ATXN2: variants seen among roughly 807,000 people sequenced by gnomAD.
ATXN2 encodes the protein ataxin-2.
A neutral mutation model predicts 138.6 loss-of-function variants in ATXN2; 37 were observed. The observed-to-expected ratio is 0.27, with a 90% CI of 0.21 to 0.35. The LOEUF is 0.35. Among genes scored for constraint, ATXN2 ranks in the 10% least tolerant of loss-of-function variants. The pLI is 1.00. For missense variants in ATXN2, 1,216 were observed against 1,480.3 expected (o/e 0.82, Z 2.93); for synonymous variants, 549 against 543.7 (o/e 1.01, Z -0.13).
intron 14 of ATXN2, among the ~76,000 whole-genome samples, chr12:111,498,367 C>A (rs1878558638): frequency 6.6e-6 from 1 of 152,116 alleles, no homozygotes; most frequent in African/African-American, 2.4e-5. Context: ...CAAACAAATT[C>A]AGTAAAATTG....
intron 5 of ATXN2, among the ~76,000 whole-genome samples, chr12:111,531,292 A>T (rs762660066): frequency 6.6e-6 from 1 of 152,190 alleles, no homozygotes; most frequent in Non-Finnish European, 1.5e-5. Context: ...ACACGCCTAT[A>T]GTCCCAGCTA....
chr12:111,487,436 TTAACA>T (rs1877716898), intron 15 of ATXN2, among the ~76,000 whole-genome samples: 1 of 151,666 alleles, frequency 6.6e-6, no homozygotes, highest in Admixed American at 6.6e-5. Context: ...AAAGCAATTC[TTAACA>T]TAACAGTATC....
At chr12:111,519,107 A>T (rs1880016486) in intron 8 of ATXN2, among the ~76,000 whole-genome samples, 1 of 152,158 alleles carries the variant, frequency 6.6e-6, no homozygotes, top group Non-Finnish European at 1.5e-5. Flanking sequence ...TTAGTTATCA[A>T]ATAAACCTCA....
At chr12:111,462,701 AATG>A (rs146900572) in intron 21 of ATXN2, among the ~76,000 whole-genome samples, 81 of 152,318 alleles carry the variant, frequency 5.3e-4, no homozygotes, top group African/African-American at 1.8e-3. Context: ...CTTAGGTGTT[AATG>A]ATTAAGGACC....
chr12:111,555,470 A>G (rs1882338637), intron 2 of ATXN2, among the ~76,000 whole-genome samples: 1 of 152,138 alleles, frequency 6.6e-6, no homozygotes, highest in Admixed American at 6.6e-5. Flanking sequence ...GTGAGTTCTC[A>G]GGAGATCTGA....
At chr12:111,588,411 C>T (rs1884453426) in intron 1 of ATXN2, among the ~76,000 whole-genome samples, 1 of 151,868 alleles carries the variant, frequency 6.6e-6, no homozygotes, top group Non-Finnish European at 1.5e-5. Context: ...TCACTTGAGG[C>T]CAGAAGTTCC....
chr12:111,491,816 C>T (rs552132050), intron 14 of ATXN2, among the ~76,000 whole-genome samples: 3 of 152,148 alleles, frequency 2.0e-5, no homozygotes, highest in Non-Finnish European at 4.4e-5. Context: ...TGGGGAGACC[C>T]ACCTGCTTGA....
intron 5 of ATXN2, among the ~76,000 whole-genome samples, chr12:111,531,781 T>C (rs1344191574): frequency 6.6e-6 from 1 of 152,146 alleles, no homozygotes; most frequent in Non-Finnish European, 1.5e-5. Flanking sequence ...AAGAGGACTG[T>C]GGGGAGCCTC....
chr12:111,562,588 C>T (rs1882756182), intron 1 of ATXN2, among the ~76,000 whole-genome samples: 1 of 151,604 alleles, frequency 6.6e-6, no homozygotes, highest in South Asian at 2.1e-4. Context: ...GGAGTGGTGG[C>T]GCATGTCTGT....
intron 1 of ATXN2, among the ~76,000 whole-genome samples, chr12:111,563,808 T>G (rs1431247800): frequency 6.6e-6 from 1 of 152,224 alleles, no homozygotes; most frequent in Admixed American, 6.5e-5. Context: ...TAATAATACT[T>G]AATCCTACTC....
At chr12:111,457,867 C>T (rs1358777734) in intron 21 of ATXN2, 1 of 152,546 alleles carries the variant, frequency 6.6e-6, no homozygotes, top group Non-Finnish European at 1.5e-5. Flanking sequence ...ACCACAGTCT[C>T]TCTCAGCTAA....
Position 111,579,695 on chromosome 12 carries a change from CGA to C in ATXN2, c.251+19087_251+19088del, listed in dbSNP as rs1566077539. Among the ~76,000 whole-genome samples the C allele has an allele frequency of 7.3e-5, 11 of 150,246 alleles. 2 individuals are homozygous for C. The highest frequency in any genetic ancestry group is 2.7e-4 in the African/African-American group (11 of 40,908). On this transcript the variant is annotated intron_variant, in intron 1 of 24. Transcript: ENST00000673436. ...AACTACTAACATGCAATAGTACAGA[CGA>C]CCTTTTTTTTTTTTTTTTGAGATAA...
At chr12:111,456,352 T>C (rs1875096463) in intron 22 of ATXN2, 96 bp from the exon 23 acceptor site, 7 of 1,307,782 alleles carry the variant, frequency 5.4e-6, no homozygotes, top group South Asian at 1.2e-5. Flanking sequence ...CTTGGGCCTA[T>C]GATGAGGGTC....
chr12:111,556,443 G>A (rs551028855), intron 1 of ATXN2, among the ~76,000 whole-genome samples: 7 of 152,066 alleles, frequency 4.6e-5, no homozygotes, highest in Non-Finnish European at 7.4e-5. Flanking sequence ...AGCAAAACAC[G>A]GATTATATTC....
intron 5 of ATXN2, among the ~76,000 whole-genome samples, chr12:111,526,173 T>C (rs7978978): frequency 6.6e-6 from 1 of 151,122 alleles, no homozygotes; most frequent in Non-Finnish European, 1.5e-5. Flanking sequence ...CTGGCCAACA[T>C]GGTGAAACCC....
At chr12:111,464,250 GTGT>G (rs1566005137) in intron 21 of ATXN2, among the ~76,000 whole-genome samples, 20 of 141,606 alleles carry the variant, frequency 1.4e-4, no homozygotes, top group African/African-American at 5.0e-4. Context: ...GGCTTGGGGT[GTGT>G]GTGTGTGTGT....
chr12:111,527,791 A>G (rs1880581238), intron 5 of ATXN2, among the ~76,000 whole-genome samples: 1 of 152,204 alleles, frequency 6.6e-6, no homozygotes, highest in Admixed American at 6.5e-5. Context: ...CCAACACCTC[A>G]TCTTTGCTGA....
At chr12:111,487,483 C>CA (rs1877720633) in intron 15 of ATXN2, among the ~76,000 whole-genome samples, 1 of 151,912 alleles carries the variant, frequency 6.6e-6, no homozygotes, top group Non-Finnish European at 1.5e-5. Context: ...ATTTTTGAGA[C>CA]AGAGTCTCGC....
chr12:111,479,499 A>G (rs1339335739), intron 18 of ATXN2, among the ~76,000 whole-genome samples: 1 of 151,712 alleles, frequency 6.6e-6, no homozygotes, highest in Non-Finnish European at 1.5e-5. Flanking sequence ...GTGGAATTGC[A>G]GACCAATTCT....
Sources: gnomAD v4.1 joint callset for allele counts (sites outside exome capture counted in the v4.1 genomes callset) on GRCh38, gnomAD v4.1.1 for gene constraint, MANE v1.5 for transcripts, NCBI Gene and HGNC (gene_info 2026-07-23, HGNC 2026-07-21) for gene names.